The following YTHDC2 variants were observed in gnomAD, a reference collection of about 807,000 sequenced individuals.
YTHDC2 encodes the protein 3'-5' RNA helicase YTHDC2.
In YTHDC2, 45 loss-of-function variants were observed where a neutral mutation model predicts 174.9. That is an observed-to-expected ratio of 0.26 (90% CI 0.20 to 0.33). YTHDC2 has a LOEUF of 0.33. YTHDC2 is among the 10% of genes least tolerant of loss of function. The probability of loss-of-function intolerance (pLI) is 1.00; values close to 1 mark genes in which losing one functional copy is unlikely to be tolerated. For missense variants in YTHDC2, 1,650 were observed against 1,723.7 expected, an observed-to-expected ratio of 0.96 and a Z score of 0.76; for synonymous variants, 657 against 574.5, an observed-to-expected ratio of 1.14 and a Z score of -2.05.
intron 4 of YTHDC2, among the ~76,000 whole-genome samples, chr5:113,528,254 AT>A (rs1295175110): frequency 6.6e-6 from 1 of 152,200 alleles, no homozygotes; most frequent in Non-Finnish European, 1.5e-5. Context: ...ATACTTGTGA[AT>A]TTAATTCGTA....
chr5:113,544,620 G>T (rs1775724844), intron 10 of YTHDC2, among the ~76,000 whole-genome samples: 1 of 151,960 alleles, frequency 6.6e-6, no homozygotes, highest in South Asian at 2.1e-4. Flanking sequence ...TCTGCTTCTG[G>T]AGTGAACATA....
At position 113,553,691 on chromosome 5, in the gene YTHDC2, G is replaced by A; in HGVS notation, c.1964+5G>A. On this transcript the variant is annotated splice_donor_5th_base_variant and intron_variant, in intron 14 of 29. Coordinates refer to ENST00000161863, the MANE Select transcript of YTHDC2 (RefSeq NM_022828.5). ...GTTTGCTGACAGTACACATAGGTAA[G>A]GGCTAAAGCCTTATATCTGTTGCTT... The A allele has an allele frequency of 6.2e-7, 1 of 1,613,366 alleles. No individual in the cohort carries two copies. The highest frequency in any genetic ancestry group is 8.5e-7 in the Non-Finnish European group (1 of 1,179,520).
chr5:113,538,011 A>G (rs1158256415), intron 7 of YTHDC2, among the ~76,000 whole-genome samples: 1 of 152,094 alleles, frequency 6.6e-6, no homozygotes, highest in East Asian at 1.9e-4. Flanking sequence ...TGTTCTTTTC[A>G]GGTTTCTTTG....
intron 9 of YTHDC2, 33 bp from the exon 10 acceptor site, chr5:113,542,335 A>G (rs112026245): frequency 3.1e-6 from 5 of 1,599,752 alleles, no homozygotes; most frequent in African/African-American, 2.7e-5. Context: ...TAGGTAATTT[A>G]TGATAATTTA....
At chr5:113,577,884 T>C (rs1003762892) in intron 23 of YTHDC2, among the ~76,000 whole-genome samples, 1 of 152,166 alleles carries the variant, frequency 6.6e-6, no homozygotes, top group Non-Finnish European at 1.5e-5. Context: ...TGCTGAACTT[T>C]AGAAACATTA....
chr5:113,540,208 T>C (rs967540106), intron 8 of YTHDC2, among the ~76,000 whole-genome samples: 1 of 152,218 alleles, frequency 6.6e-6, no homozygotes, highest in African/African-American at 2.4e-5. Context: ...ATGAAAATTA[T>C]ATATAATTGT....
At chr5:113,537,112 A>G (rs1473577161) in intron 7 of YTHDC2, among the ~76,000 whole-genome samples, 1 of 152,174 alleles carries the variant, frequency 6.6e-6, no homozygotes, top group Non-Finnish European at 1.5e-5. Flanking sequence ...GATGTACTGG[A>G]TTTCTAGGGA....
Position 113,513,930 on chromosome 5 carries a change from C to G in YTHDC2, c.35C>G (p.Pro12Arg), listed in dbSNP as rs116615892. The G allele has an allele frequency of 1.2e-6, 2 of 1,605,508 alleles. No homozygotes were observed. The change falls in exon 1 of 30, where the codon CCG becomes CGG. Residue 12 changes from proline (P) to arginine (R), a missense_variant. By Grantham distance (103) the Pro-to-Arg change is moderately radical. Coordinates refer to ENST00000161863, the MANE Select transcript of YTHDC2 (RefSeq NM_022828.5). ...SRPSSVSPRQ[P>R]APGGGGGGGP... ...CCGAGCAGCGTCTCCCCGCGGCAGC[C>G]GGCTCCTGGCGGTGGCGGAGGCGGC...
chr5:113,562,613 G>C (rs543435706), intron 18 of YTHDC2, among the ~76,000 whole-genome samples: 1 of 152,122 alleles, frequency 6.6e-6, no homozygotes, highest in Admixed American at 6.5e-5. Context: ...TACACCATTG[G>C]TTTTAGTTTC....
At position 113,561,436 on chromosome 5, in the gene YTHDC2, A is replaced by T. The variant is rs182527553; in HGVS notation, c.2322+251A>T. ...GTACAGTTTTAAAGGATATATATAT[A>T]TTTTTTATCTATCTATCTATCTATC... is the stretch of plus-strand genomic sequence containing the variant. On this transcript the variant is annotated intron_variant, in intron 18 of 29. Coordinates refer to ENST00000161863, the MANE Select transcript of YTHDC2 (RefSeq NM_022828.5). Among the ~76,000 whole-genome samples the T allele has an allele frequency of 2.1e-3, 317 of 149,182 alleles. 4 individuals carry two copies. The highest frequency in any genetic ancestry group is 7.4e-3 in the African/African-American group (297 of 40,216).
chr5:113,548,842 A>C, intron 11 of YTHDC2, 113 bp from the exon 12 acceptor site: 1 of 1,176,578 alleles, frequency 8.5e-7, no homozygotes, highest in Non-Finnish European at 1.1e-6. Flanking sequence ...AATTTATCTT[A>C]TTTTTTATTT....
chr5:113,568,394 A>C (rs1777493884), intron 23 of YTHDC2, among the ~76,000 whole-genome samples: 1 of 152,136 alleles, frequency 6.6e-6, no homozygotes, highest in South Asian at 2.1e-4. Context: ...TCAGGGGTAC[A>C]TGTGCAAGAT....
In YTHDC2 at chr5:113,526,761, A is replaced by G; in HGVS notation, c.651A>G (p.Glu217=). 1.3e-6 allele frequency: 2 copies of G among 1,533,452 alleles called. No individual in the cohort carries two copies. The highest frequency in any genetic ancestry group is 8.8e-7 in the Non-Finnish European group (1 of 1,137,172). 95.0% of individuals were successfully genotyped at this position (1,533,452 alleles called of 1,614,324 possible). The change falls in exon 4 of 30, where the codon GAA becomes GAG. Residue 217 remains glutamate (E), a synonymous_variant. Transcript: ENST00000161863. Reference sequence around the variant, plus strand: ...ATAAAGTAGTTTTGATTGTAGGAGAAACTGGGTCTGGAAAGACCACACAGG... The same window carrying G: ...ATAAAGTAGTTTTGATTGTAGGAGAGACTGGGTCTGGAAAGACCACACAGG... ...KENKVVLIVG[E]TGSGKTTQIP... is the part of the protein sequence containing the mutation.
chr5:113,537,432 C>G (rs184455364), intron 7 of YTHDC2, among the ~76,000 whole-genome samples: 1 of 149,888 alleles, frequency 6.7e-6, no homozygotes, highest in Admixed American at 6.7e-5. Flanking sequence ...CTTGCTAAAC[C>G]TCATTCTTCA....
intron 23 of YTHDC2, among the ~76,000 whole-genome samples, chr5:113,568,165 A>G (rs1036988249): frequency 1.3e-5 from 2 of 152,182 alleles, no homozygotes; most frequent in Non-Finnish European, 2.9e-5. Context: ...ATAGCCACCC[A>G]TAATCTCATT....
chr5:113,546,952 T>C (rs974441052), intron 10 of YTHDC2, among the ~76,000 whole-genome samples: 2 of 147,146 alleles, frequency 1.4e-5, no homozygotes, highest in East Asian at 3.9e-4. Context: ...AGCTGGCTTC[T>C]CTGAGAGTGA....
chr5:113,542,600 C>A, intron 10 of YTHDC2, 97 bp downstream of exon 10: 2 of 1,110,138 alleles, frequency 1.8e-6, no homozygotes, highest in Non-Finnish European at 2.5e-6. Context: ...AATTGCACAA[C>A]CAAAAATTTT....
chr5:113,560,073 C>T (rs1272029242), intron 17 of YTHDC2, among the ~76,000 whole-genome samples: 4 of 152,234 alleles, frequency 2.6e-5, no homozygotes, highest in Admixed American at 1.3e-4. Flanking sequence ...TTCTCCACCA[C>T]AGCAATGCTC....
chr5:113,550,857 A>C (rs2112661418), intron 12 of YTHDC2, among the ~76,000 whole-genome samples: 1 of 152,232 alleles, frequency 6.6e-6, no homozygotes, highest in South Asian at 2.1e-4. Context: ...ATTTTAGATA[A>C]ATTTACATTA....
Sources: allele counts gnomAD v4.1 joint callset (sites outside exome capture counted in the v4.1 genomes callset), GRCh38; gene constraint gnomAD v4.1.1; transcripts MANE v1.5; gene names NCBI Gene and HGNC (gene_info 2026-07-23, HGNC 2026-07-21).